Variants in SYNPR observed in about 807,000 individuals in gnomAD.
The protein encoded by SYNPR is synaptoporin.
A neutral mutation model predicts 32.9 loss-of-function variants in SYNPR; 23 were observed. The ratio of observed to expected loss-of-function variants is 0.70; its 90% CI spans 0.50 to 0.99. SYNPR has a LOEUF of 0.99. Among genes scored for constraint, SYNPR ranks in the 50% least tolerant of loss-of-function variants. The pLI is 0.00. For synonymous variants in SYNPR, 146 were observed against 135.9 expected, an observed-to-expected ratio of 1.07 and a Z score of -0.52; for missense variants, 318 against 349.3, an observed-to-expected ratio of 0.91 and a Z score of 0.71.
intron 2 of SYNPR, among the ~76,000 whole-genome samples, chr3:63,439,372 T>C (rs1700131477): frequency 6.6e-6 from 1 of 152,242 alleles, no homozygotes; most frequent in Non-Finnish European, 1.5e-5. Flanking sequence ...AATGTGAATA[T>C]CATTTTTCAA....
At chr3:63,611,462 T>C (rs1000542238) in intron 5 of SYNPR, among the ~76,000 whole-genome samples, 4 of 152,202 alleles carry the variant, frequency 2.6e-5, no homozygotes, top group African/African-American at 9.7e-5. Context: ...TACAAATTGT[T>C]TGGCTTCAAA....
At chr3:63,382,425 T>A (rs1396388309) in intron 2 of SYNPR, among the ~76,000 whole-genome samples, 1 of 152,254 alleles carries the variant, frequency 6.6e-6, no homozygotes, top group Non-Finnish European at 1.5e-5. Context: ...CTGGCACAGA[T>A]AGAAGTAAGG....
At chr3:63,509,532 G>A (rs912100014) in intron 3 of SYNPR, among the ~76,000 whole-genome samples, 1 of 151,596 alleles carries the variant, frequency 6.6e-6, no homozygotes, top group African/African-American at 2.4e-5. Flanking sequence ...GATATACAGC[G>A]TACACACATT....
At position 63,615,334 on chromosome 3, in the gene SYNPR, G is replaced by T; in HGVS notation, c.711G>T (p.Lys237Asn). Residue 237 changes from lysine (K) to asparagine (N), a missense_variant, in exon 6 of 6, where the codon AAG (lysine) becomes AAT (asparagine). Lys to Asn is a moderately conservative substitution (Grantham distance 94, BLOSUM62 0). Coordinates refer to ENST00000478300, the MANE Select transcript of SYNPR (RefSeq NM_001130003.2). ...GQRYLSDPME[K>N]HSSSYNQGGY... ...GATATCTTTCAGATCCAATGGAGAAGCACTCCAGCAGCTATAATCAAGGTG... is the reference window on the plus strand; with the variant it reads ...GATATCTTTCAGATCCAATGGAGAATCACTCCAGCAGCTATAATCAAGGTG... 1 of 1,613,916 alleles carries T rather than the reference G, an allele frequency of 6.2e-7. No homozygotes were observed. Among genetic ancestry groups the T allele is most frequent in the South Asian group, 1.1e-5 (1 of 91,066 alleles).
intron 3 of SYNPR, among the ~76,000 whole-genome samples, chr3:63,512,991 C>T (rs1701727269): frequency 6.6e-6 from 1 of 151,948 alleles, no homozygotes; most frequent in Non-Finnish European, 1.5e-5. Context: ...AATAGGATAC[C>T]ACAAATGTCT....
chr3:63,606,251 T>C (rs1340678580), intron 4 of SYNPR, among the ~76,000 whole-genome samples: 1 of 152,060 alleles, frequency 6.6e-6, no homozygotes, highest in African/African-American at 2.4e-5. Flanking sequence ...ATATTACTGA[T>C]GCCTCTTTAC....
chr3:63,443,398 T>C, intron 2 of SYNPR: 1 of 1,591,370 alleles, frequency 6.3e-7, no homozygotes, highest in Non-Finnish European at 8.6e-7. Context: ...TGAGACAACC[T>C]CTATTTTCTT....
intron 2 of SYNPR, among the ~76,000 whole-genome samples, chr3:63,297,849 AGTCATGG>A (rs1225683812): frequency 6.6e-6 from 1 of 152,060 alleles, no homozygotes; most frequent in Non-Finnish European, 1.5e-5. Flanking sequence ...TTGAGTCATG[AGTCATGG>A]GTCCAGGTGG....
At chr3:63,363,317 C>T (rs1037362162) in intron 2 of SYNPR, among the ~76,000 whole-genome samples, 1 of 152,174 alleles carries the variant, frequency 6.6e-6, no homozygotes, top group African/African-American at 2.4e-5. Context: ...GACTGTACTT[C>T]ACAATTTATG....
At chr3:63,471,722 A>G (rs74477723) in intron 2 of SYNPR, among the ~76,000 whole-genome samples, 3,094 of 152,282 alleles carry the variant, frequency 0.02, 63 homozygotes, top group East Asian at 0.048. Context: ...CTTTGTTCCC[A>G]GAAATGCCCT....
At chr3:63,429,010 T>C (rs773867767) in intron 2 of SYNPR, among the ~76,000 whole-genome samples, 11 of 152,136 alleles carry the variant, frequency 7.2e-5, no homozygotes, top group Non-Finnish European at 1.5e-4. Context: ...TTTTGTTCAA[T>C]CAATATGCTA....
chr3:63,410,503 A>T (rs2088447454), intron 2 of SYNPR, among the ~76,000 whole-genome samples: 2 of 152,194 alleles, frequency 1.3e-5, no homozygotes, highest in African/African-American at 4.8e-5. Flanking sequence ...CCATAGGCTC[A>T]TTACCAAAAG....
At chr3:63,385,356 T>G (rs1267191587) in intron 2 of SYNPR, among the ~76,000 whole-genome samples, 1 of 152,202 alleles carries the variant, frequency 6.6e-6, no homozygotes, top group East Asian at 1.9e-4. Flanking sequence ...ACTTTCTTCT[T>G]GATGTACTAA....
chr3:63,446,664 G>A (rs974003550), intron 2 of SYNPR, among the ~76,000 whole-genome samples: 19 of 152,150 alleles, frequency 1.2e-4, no homozygotes, highest in African/African-American at 4.3e-4. Flanking sequence ...ATTATGAGTG[G>A]TGAAAATGTT....
At position 63,615,368 on chromosome 3, in the gene SYNPR, C is replaced by A. The variant is rs1284815286; in HGVS notation, c.745C>A (p.Gln249Lys). 1.9e-6 allele frequency: 3 copies of A among 1,613,866 alleles called. No individual in the cohort carries two copies. The highest frequency in any genetic ancestry group is 2.2e-5 in the East Asian group (1 of 44,866). ...SSSYNQGGYN[Q>K]DSYGSSSGYS... ...CAGCTATAATCAAGGTGGTTACAAC[C>A]AAGACAGCTATGGATCAAGCAGTGG... The change falls in exon 6 of 6, where the codon CAA becomes AAA. Residue 249 changes from glutamine to lysine, a missense_variant. Gln to Lys is a moderately conservative substitution (Grantham distance 53). Coordinates refer to ENST00000478300, the MANE Select transcript of SYNPR (RefSeq NM_001130003.2).
At chr3:63,340,028 TC>T (rs751445797) in intron 2 of SYNPR, among the ~76,000 whole-genome samples, 2 of 152,236 alleles carry the variant, frequency 1.3e-5, no homozygotes, top group Non-Finnish European at 2.9e-5. Flanking sequence ...TAATCACTCC[TC>T]CTTTTCTATG....
intron 3 of SYNPR, among the ~76,000 whole-genome samples, chr3:63,555,511 T>A (rs963318071): frequency 3.3e-5 from 5 of 152,102 alleles, no homozygotes; most frequent in African/African-American, 1.2e-4. Context: ...CTATATTGGA[T>A]ATAACACATC....
At chr3:63,262,513 C>T (rs2086447842) in intron 2 of SYNPR, among the ~76,000 whole-genome samples, 1 of 151,824 alleles carries the variant, frequency 6.6e-6, no homozygotes. Flanking sequence ...GATACTGTAT[C>T]CTTCCAGGAC....
intron 2 of SYNPR, among the ~76,000 whole-genome samples, chr3:63,467,243 G>A (rs973773978): frequency 6.6e-6 from 1 of 152,152 alleles, no homozygotes; most frequent in Non-Finnish European, 1.5e-5. Flanking sequence ...TGCTCAGGCT[G>A]AGCTGAAGAC....
Sources: gnomAD v4.1 joint callset for allele counts (sites outside exome capture counted in the v4.1 genomes callset) on GRCh38, gnomAD v4.1.1 for gene constraint, MANE v1.5 for transcripts, NCBI Gene and HGNC (gene_info 2026-07-23, HGNC 2026-07-21) for gene names.